Variants in DDX60L observed in about 807,000 individuals in gnomAD.
The protein encoded by DDX60L is DExD/H-box 60 like, also known as probable ATP-dependent RNA helicase DDX60-like.
In DDX60L, 191 loss-of-function variants were observed where a neutral mutation model predicts 211.6. The observed-to-expected ratio is 0.90, with a 90% CI of 0.80 to 1.02. DDX60L has a LOEUF of 1.02. Ranked by LOEUF, DDX60L falls within the 50% of genes least tolerant of loss-of-function variation. DDX60L has a pLI of 0.00. For synonymous variants in DDX60L, 706 were observed against 694.1 expected (o/e 1.02, Z -0.27); for missense variants, 2,007 against 1,984.1 (o/e 1.01, Z -0.22).
chr4:168,391,649 G>GGA lies in DDX60L; in HGVS notation c.3811-6_3811-5insTC, dbSNP rs1553995702. 4.4e-3 allele frequency: 4,686 copies of GGA among 1,061,236 alleles called. 40 individuals are homozygous for GGA. The highest frequency in any genetic ancestry group is 0.012 in the Admixed American group (361 of 30,700). The allele number at this position is 1,061,236 out of a possible 1,614,324, so 65.7% of individuals were successfully genotyped here. On this transcript the variant is annotated splice_region_variant and splice_polypyrimidine_tract_variant and intron_variant, in intron 28 of 37. Transcript: ENST00000682922. ...TGTTTCAGTAGCTGTCACTACCTAG[G>GGA]AAAAAAAAAAAAAAACAGTCAATAC...
chr4:168,405,484 G>A (rs1747590194), intron 24 of DDX60L, among the ~76,000 whole-genome samples: 1 of 152,046 alleles, frequency 6.6e-6, no homozygotes, highest in South Asian at 2.1e-4. Context: ...GCCTCTTTCA[G>A]GTATATTTAT....
At chr4:168,467,473 G>C (rs915266422) in intron 4 of DDX60L, among the ~76,000 whole-genome samples, 1 of 135,348 alleles carries the variant, frequency 7.4e-6, no homozygotes, top group African/African-American at 2.7e-5. Context: ...GAAAGAAGGA[G>C]CTAACTAACA....
rs954360121 is a variant in DDX60L, at chr4:168,448,819, G to A, written c.997-40C>T. 1.2e-5 allele frequency: 19 copies of A among 1,569,934 alleles called. No individual in the cohort carries two copies. The African/African-American group carries it at 2.6e-4, about 21-fold the overall frequency. ...TAAAACATTATTAGCAGGGAGGCAT[G>A]GAATAATTTCATACTCCTGGTTAAC... On this transcript the variant is annotated intron_variant, in intron 8 of 37. Transcript: ENST00000682922.
At position 168,396,041 on chromosome 4, in the gene DDX60L, A is replaced by C; in HGVS notation, c.3575T>G (p.Leu1192Arg). 1 of 1,608,018 alleles carries C rather than the reference A, an allele frequency of 6.2e-7. No homozygotes were observed. Among genetic ancestry groups the C allele is most frequent in the Non-Finnish European group, 8.5e-7 (1 of 1,175,120 alleles). The part of the protein sequence containing the change: ...RAEYINFLEN[L>R]KILEISEDCT... ...GTCCTCAGAAATTTCCAGAATCTTC[A>C]GATTCTCCAGGAAATTAATATATTC... is the stretch of plus-strand genomic sequence containing the variant. The change falls in exon 27 of 38, where the codon CTG (leucine) becomes CGG (arginine). Residue 1192 changes from leucine (L) to arginine (R), a missense_variant. Transcript: ENST00000682922.
At chr4:168,450,938 T>C (rs1254796504) in intron 8 of DDX60L, among the ~76,000 whole-genome samples, 3 of 148,042 alleles carry the variant, frequency 2.0e-5, no homozygotes, top group East Asian at 2.0e-4. Flanking sequence ...ACAATAATAA[T>C]TGGCCTTGAC....
At chr4:168,420,013 T>C (rs1750230151) in intron 18 of DDX60L, among the ~76,000 whole-genome samples, 1 of 152,236 alleles carries the variant, frequency 6.6e-6, no homozygotes, top group African/African-American at 2.4e-5. Context: ...CTCTAAGTTA[T>C]AATGAAATAT....
At chr4:168,367,249 T>A (rs1318913167) in intron 36 of DDX60L, among the ~76,000 whole-genome samples, 1 of 152,164 alleles carries the variant, frequency 6.6e-6, no homozygotes, top group Non-Finnish European at 1.5e-5. Context: ...AATTACCACA[T>A]GTCGTGGGAG....
At position 168,431,608 on chromosome 4, in the gene DDX60L, C is replaced by A. The variant is rs553415851; in HGVS notation, c.1516+847G>T. ...AAGAGATATACCTAATGCTAAATGA[C>A]GAGTTAATGGGTGCAGCACACCAGC... On this transcript the variant is annotated intron_variant, in intron 12 of 37. Coordinates refer to ENST00000682922, the MANE Select transcript of DDX60L (RefSeq NM_001012967.3). 2.2e-3 allele frequency among the ~76,000 whole-genome samples: 330 copies of A among 151,066 alleles called. 1 individual carries two copies. The highest frequency in any genetic ancestry group is 3.8e-3 in the Non-Finnish European group (259 of 67,816).
intron 10 of DDX60L, among the ~76,000 whole-genome samples, chr4:168,436,185 G>A (rs1247817082): frequency 6.6e-6 from 1 of 152,174 alleles, no homozygotes; most frequent in Non-Finnish European, 1.5e-5. Context: ...TTTTATTGGA[G>A]CCGAGAATAA....
chr4:168,464,937 T>C (rs1757787447), intron 4 of DDX60L, among the ~76,000 whole-genome samples: 1 of 152,140 alleles, frequency 6.6e-6, no homozygotes. Flanking sequence ...GTTGGCTATG[T>C]AAATAGTGTT....
intron 33 of DDX60L, among the ~76,000 whole-genome samples, chr4:168,377,187 G>A (rs1166512075): frequency 6.6e-6 from 1 of 152,244 alleles, no homozygotes; most frequent in East Asian, 1.9e-4. Context: ...AGCTACTTGG[G>A]AGGCTGAGGC....
intron 26 of DDX60L, 98 bp downstream of exon 26, chr4:168,400,728 A>T: frequency 9.3e-7 from 1 of 1,072,308 alleles, no homozygotes; most frequent in Non-Finnish European, 1.3e-6. Flanking sequence ...AATAACAAGA[A>T]CCTCTTTGTG....
intron 36 of DDX60L, among the ~76,000 whole-genome samples, chr4:168,366,425 G>A (rs1740001844): frequency 6.6e-6 from 1 of 151,746 alleles, no homozygotes; most frequent in African/African-American, 2.4e-5. Context: ...AAATAAACAA[G>A]AAGGTAAAAG....
chr4:168,443,804 A>G (rs1451418851), intron 9 of DDX60L, among the ~76,000 whole-genome samples: 2 of 151,654 alleles, frequency 1.3e-5, no homozygotes. Context: ...GAGAAATAAA[A>G]TACTTTACAG....
intron 4 of DDX60L, among the ~76,000 whole-genome samples, chr4:168,466,681 C>T (rs934847851): frequency 6.6e-6 from 1 of 152,206 alleles, no homozygotes; most frequent in African/African-American, 2.4e-5. Context: ...CTGGTTGTCA[C>T]TAGCAGCTAG....
intron 5 of DDX60L, among the ~76,000 whole-genome samples, chr4:168,460,776 C>A (rs1394435559): frequency 2.6e-5 from 4 of 152,204 alleles, no homozygotes; most frequent in Non-Finnish European, 5.9e-5. Context: ...AGATTGCCTC[C>A]CACTTCAGAC....
chr4:168,379,408 G>A lies in DDX60L; in HGVS notation c.4318C>T (p.Leu1440Phe), dbSNP rs752860577. The A allele has an allele frequency of 1.9e-6, 3 of 1,602,178 alleles. No individual in the cohort carries two copies. The highest frequency in any genetic ancestry group is 2.5e-6 in the Non-Finnish European group (3 of 1,176,534). The change falls in exon 32 of 38, where the codon CTC becomes TTC. Residue 1440 changes from leucine (L) to phenylalanine (F), a missense_variant. Transcript: ENST00000682922. ...AGATTATGGAAAAGGCCTCTCTTGA[G>A]AAAATTTACAAAAACAAGATTTGAA... The part of the protein sequence containing the change: ...EPSNLVFVNF[L>F]KRGLFHNLCK...
At chr4:168,462,189 C>A in intron 4 of DDX60L, 149 bp from the exon 5 acceptor site, 2 of 615,282 alleles carry the variant, frequency 3.3e-6, no homozygotes, top group Non-Finnish European at 5.7e-6. Flanking sequence ...ACTCCTTTCA[C>A]AAGTGCATGC....
chr4:168,474,912 C>T (rs1759275661), intron 1 of DDX60L, among the ~76,000 whole-genome samples: 1 of 151,842 alleles, frequency 6.6e-6, no homozygotes, highest in African/African-American at 2.4e-5. Flanking sequence ...AAAGGTTCTC[C>T]AAAAACAAAA....
Sources: gnomAD v4.1 joint callset for allele counts (sites outside exome capture counted in the v4.1 genomes callset) on GRCh38, gnomAD v4.1.1 for gene constraint, MANE v1.5 for transcripts, NCBI Gene and HGNC (gene_info 2026-07-23, HGNC 2026-07-21) for gene names.